CNOT6L: variants seen among roughly 807,000 people sequenced by gnomAD.
CNOT6L encodes CCR4-NOT transcription complex subunit 6-like.
A neutral mutation model predicts 64.0 loss-of-function variants in CNOT6L; 7 were observed. That is an observed-to-expected ratio of 0.11 (90% CI 0.06 to 0.21). The LOEUF is 0.21. Ranked by LOEUF, CNOT6L falls within the 10% of genes least tolerant of loss-of-function variation. The pLI is 1.00. For missense variants in CNOT6L, 245 were observed against 669.0 expected (o/e 0.37, Z 6.99); for synonymous variants, 193 against 243.4 (o/e 0.79, Z 1.93).
intron 1 of CNOT6L, among the ~76,000 whole-genome samples, chr4:77,781,375 T>C (rs537311089): frequency 3.3e-5 from 5 of 152,248 alleles, no homozygotes; most frequent in African/African-American, 1.2e-4. Context: ...ATAAAAAATA[T>C]TTAATGTATT....
chr4:77,733,278 G>C (rs544723261), intron 8 of CNOT6L, among the ~76,000 whole-genome samples: 4 of 152,046 alleles, frequency 2.6e-5, no homozygotes, highest in African/African-American at 9.6e-5. Context: ...TTTTGTTTTG[G>C]TTACAGAGTA....
intron 1 of CNOT6L, among the ~76,000 whole-genome samples, chr4:77,807,411 C>T (rs1275485026): frequency 3.3e-5 from 5 of 150,046 alleles, no homozygotes; most frequent in Non-Finnish European, 5.9e-5. Flanking sequence ...TAACGCAAAA[C>T]GGAGACATAA....
chr4:77,765,572 G>C (rs1003648360), intron 4 of CNOT6L, among the ~76,000 whole-genome samples: 1 of 152,030 alleles, frequency 6.6e-6, no homozygotes, highest in East Asian at 1.9e-4. Context: ...CTGCTTCTAC[G>C]GTCATTATAA....
intron 5 of CNOT6L, among the ~76,000 whole-genome samples, chr4:77,750,689 A>G (rs1458090185): frequency 6.6e-6 from 1 of 152,202 alleles, no homozygotes; most frequent in African/African-American, 2.4e-5. Context: ...CTACATGGCC[A>G]AATGATATCA....
rs561271012 is a variant in CNOT6L, at chr4:77,784,708, C to G, written c.6-8316G>C. ...CCATGTTGCCCAGGCTGGTCTTGAACTCCTGGCCCAAGTGATCTGCCCACC... is the reference window on the plus strand; with the variant it reads ...CCATGTTGCCCAGGCTGGTCTTGAAGTCCTGGCCCAAGTGATCTGCCCACC... On this transcript the variant is annotated intron_variant, in intron 1 of 11. Transcript: ENST00000504123. 3.3e-5 allele frequency among the ~76,000 whole-genome samples: 5 copies of G among 152,196 alleles called. No individual in the cohort carries two copies. The South Asian group carries it at 8.3e-4, about 25-fold the overall frequency.
At chr4:77,771,670 T>G (rs533745386) in intron 4 of CNOT6L, among the ~76,000 whole-genome samples, 1 of 152,360 alleles carries the variant, frequency 6.6e-6, no homozygotes, top group East Asian at 1.9e-4. Flanking sequence ...GTCTAATTTA[T>G]GAAACTGAAT....
chr4:77,791,779 A>G (rs1730176018), intron 1 of CNOT6L, among the ~76,000 whole-genome samples: 1 of 152,158 alleles, frequency 6.6e-6, no homozygotes, highest in Admixed American at 6.5e-5. Flanking sequence ...TACCCATAAT[A>G]TTTTAAAAAT....
chr4:77,819,374 C>T, upstream of CNOT6L: 4 of 1,598,040 alleles, frequency 2.5e-6, no homozygotes, highest in Non-Finnish European at 2.6e-6. Flanking sequence ...CACACACAAA[C>T]ACGCGCGCGC....
intron 7 of CNOT6L, among the ~76,000 whole-genome samples, chr4:77,744,086 T>C (rs908743777): frequency 6.6e-6 from 1 of 152,216 alleles, no homozygotes. Flanking sequence ...ACTTAATATG[T>C]TTTGAAAGTT....
At chr4:77,798,262 C>T (rs1374030687) in intron 1 of CNOT6L, among the ~76,000 whole-genome samples, 1 of 152,096 alleles carries the variant, frequency 6.6e-6, no homozygotes, top group Non-Finnish European at 1.5e-5. Flanking sequence ...GAGCTATGAT[C>T]GTACCATTGC....
At chr4:77,742,483 AC>A in intron 7 of CNOT6L, 188 bp from the exon 8 acceptor site, 1 of 665,850 alleles carries the variant, frequency 1.5e-6, no homozygotes, top group Admixed American at 2.2e-5. Context: ...ACATGAAAGA[AC>A]CAGAAAGGTG....
At chr4:77,799,296 G>A (rs1042119965) in intron 1 of CNOT6L, among the ~76,000 whole-genome samples, 1 of 152,128 alleles carries the variant, frequency 6.6e-6, no homozygotes, top group Non-Finnish European at 1.5e-5. Flanking sequence ...ATGGTGGCAC[G>A]CACCTGTAGT....
chr4:77,727,335 G>A (rs1365951533), intron 10 of CNOT6L, among the ~76,000 whole-genome samples: 1 of 152,074 alleles, frequency 6.6e-6, no homozygotes, highest in Non-Finnish European at 1.5e-5. Flanking sequence ...GGCCGAGGTG[G>A]GCGGATCCAG....
intron 1 of CNOT6L, among the ~76,000 whole-genome samples, chr4:77,778,064 T>C (rs1219440410): frequency 6.6e-6 from 1 of 152,218 alleles, no homozygotes; most frequent in Admixed American, 6.5e-5. Context: ...TATTTTATTT[T>C]CCATAAATGT....
chr4:77,793,245 T>A (rs1730370041), intron 1 of CNOT6L, among the ~76,000 whole-genome samples: 1 of 152,148 alleles, frequency 6.6e-6, no homozygotes. Context: ...ATTCTAGCCA[T>A]CAAAAGTATC....
intron 1 of CNOT6L, among the ~76,000 whole-genome samples, chr4:77,817,252 A>G (rs1733682344): frequency 6.6e-6 from 1 of 152,162 alleles, no homozygotes; most frequent in Admixed American, 6.5e-5. Flanking sequence ...TATTTTTATA[A>G]ATAACTAGGC....
At chr4:77,804,709 T>C (rs1403411613) in intron 1 of CNOT6L, among the ~76,000 whole-genome samples, 1 of 152,164 alleles carries the variant, frequency 6.6e-6, no homozygotes, top group Non-Finnish European at 1.5e-5. Context: ...CTGAATGTAC[T>C]AAAACCACTA....
intron 4 of CNOT6L, among the ~76,000 whole-genome samples, chr4:77,757,425 T>C (rs1725697144): frequency 6.6e-6 from 1 of 152,140 alleles, no homozygotes; most frequent in Non-Finnish European, 1.5e-5. Context: ...GTTACCAAGA[T>C]ATGTGAGTGA....
At chr4:77,752,101 G>T (rs776558451) in intron 5 of CNOT6L, among the ~76,000 whole-genome samples, 7 of 152,168 alleles carry the variant, frequency 4.6e-5, no homozygotes, top group Non-Finnish European at 8.8e-5. Context: ...TTCAGCCCAG[G>T]AGTTGGAGGC....
Sources: allele counts gnomAD v4.1 joint callset (sites outside exome capture counted in the v4.1 genomes callset), GRCh38; gene constraint gnomAD v4.1.1; transcripts MANE v1.5; gene names NCBI Gene and HGNC (gene_info 2026-07-23, HGNC 2026-07-21).